Variants in GLE1 observed in about 807,000 individuals in gnomAD.
GLE1 encodes GLE1 RNA export mediator.
In GLE1, 78 loss-of-function variants were observed where a neutral mutation model predicts 97.3. The ratio of observed to expected loss-of-function variants is 0.80; its 90% CI spans 0.67 to 0.97. The LOEUF (loss-of-function observed/expected upper bound fraction) is 0.97. Among genes scored for constraint, GLE1 ranks in the 50% least tolerant of loss-of-function variants. The probability of loss-of-function intolerance (pLI) is 0.00; values close to 1 mark genes in which losing one functional copy is unlikely to be tolerated. For missense variants in GLE1, 753 were observed against 857.5 expected (o/e 0.88, Z 1.52); for synonymous variants, 302 against 313.4 (o/e 0.96, Z 0.39).
At chr9:128,515,058 A>T (rs1432215150) in intron 2 of GLE1, among the ~76,000 whole-genome samples, 1 of 152,078 alleles carries the variant, frequency 6.6e-6, no homozygotes, top group Admixed American at 6.6e-5. Flanking sequence ...TGACTTTGTG[A>T]TCCGCCCACC....
chr9:128,519,956 G>GGGCA (rs1408784958), intron 3 of GLE1, among the ~76,000 whole-genome samples: 1 of 152,010 alleles, frequency 6.6e-6, no homozygotes, highest in Non-Finnish European at 1.5e-5. Flanking sequence ...ATGACTATTG[G>GGGCA]GGCAGGTTCC....
Position 128,511,993 on chromosome 9 carries a change from G to A in GLE1, c.321+2896G>A, listed in dbSNP as rs80341716. On this transcript the variant is annotated intron_variant, in intron 2 of 15. Transcript: ENST00000309971. ...TGCCTGGCTAATTTTTGTACTTTTA[G>A]TAGACGGGGTTTCACCATGTTGGCC... Among the ~76,000 whole-genome samples, 733 of 152,168 alleles carry A rather than the reference G, an allele frequency of 4.8e-3. 5 individuals carry two copies. Among genetic ancestry groups the A allele is most frequent in the African/African-American group, 0.017 (695 of 41,518 alleles).
At position 128,534,386 on chromosome 9, in the gene GLE1, T is replaced by A. The variant is rs117904625; in HGVS notation, c.1646+435T>A. On this transcript the variant is annotated intron_variant, in intron 11 of 15. Transcript: ENST00000309971. ...TGTGTCTCAAAAAAGAAAGAAAAAA[T>A]ATATATACATAGTCTTTTATGTAAA... Among the ~76,000 whole-genome samples, 129 of 141,532 alleles carry A rather than the reference T, an allele frequency of 9.1e-4. 3 individuals carry two copies. The East Asian group carries it at 0.025, about 28-fold the overall frequency. The allele number at this position is 141,532 out of a possible 152,430, so 92.9% of individuals were successfully genotyped here. A position where few individuals can be genotyped will look rare whatever the true frequency, so the allele number is the denominator to read the frequency against.
Position 128,515,582 on chromosome 9 carries a change from G to T in GLE1, c.375G>T (p.Gly125=). ...CTATGGTACTTCAGTCCTCACGGGG[G>T]ATCAAAGTGGAAGGCTGCGTCCGAA... ...TESMVLQSSR[G]IKVEGCVRMY... Residue 125 remains glycine (G), a synonymous_variant, in exon 3 of 16, where the codon GGG becomes GGT. Transcript: ENST00000309971. The T allele has an allele frequency of 6.2e-7, 1 of 1,609,740 alleles. No individual in the cohort carries two copies. The highest frequency in any genetic ancestry group is 8.5e-7 in the Non-Finnish European group (1 of 1,176,034).
intron 11 of GLE1, among the ~76,000 whole-genome samples, chr9:128,535,962 ACT>A (rs1847695593): frequency 2.3e-4 from 1 of 4,426 alleles, no homozygotes; most frequent in African/African-American, 3.0e-4. Context: ...GGTGACAGAG[ACT>A]CTGTTTCCCA....
At chr9:128,521,960 T>C (rs1416127246) in intron 3 of GLE1, among the ~76,000 whole-genome samples, 1 of 152,190 alleles carries the variant, frequency 6.6e-6, no homozygotes, top group Non-Finnish European at 1.5e-5. Flanking sequence ...CTTTCCTTAG[T>C]GGAGGTCCAG....
chr9:128,537,861 G>A, intron 12 of GLE1, 125 bp from the exon 13 acceptor site: 2 of 710,412 alleles, frequency 2.8e-6, no homozygotes, highest in Non-Finnish European at 5.2e-6. Context: ...TTTCTGCCCT[G>A]TGGCAGGTGC....
At chr9:128,507,596 AAAAAAAAAT>A (rs1846677058) in intron 1 of GLE1, among the ~76,000 whole-genome samples, 1 of 150,652 alleles carries the variant, frequency 6.6e-6, no homozygotes, top group Non-Finnish European at 1.5e-5. Flanking sequence ...AAAAAAAAAA[AAAAAAAAAT>A]AGTCGGGCGT....
At position 128,533,585 on chromosome 9, in the gene GLE1, G is replaced by A. The variant is rs200012444; in HGVS notation, c.1385G>A (p.Arg462His). 11 of 1,613,358 alleles carry A rather than the reference G, an allele frequency of 6.8e-6. No individual in the cohort carries two copies. The highest frequency in any genetic ancestry group is 1.1e-5 in the South Asian group (1 of 91,074). The part of the protein sequence containing the change: ...LSGKPVQSGG[R>H]SVSVTLNPQG... The stretch of plus-strand genomic sequence containing the variant: ...GGAAAACCTGTTCAATCTGGTGGGC[G>A]CTCTGTGTCTGTCACACTTAACCCA... The change falls in exon 10 of 16, where the codon CGC becomes CAC. Residue 462 changes from arginine (R) to histidine (H), a missense_variant. Arg to His is a conservative substitution (Grantham distance 29). Coordinates refer to ENST00000309971, the MANE Select transcript of GLE1 (RefSeq NM_001003722.2).
chr9:128,516,397 G>T (rs1019991657), intron 3 of GLE1, among the ~76,000 whole-genome samples: 3 of 152,082 alleles, frequency 2.0e-5, no homozygotes, highest in African/African-American at 4.8e-5. Flanking sequence ...TCGGCTCACC[G>T]CAAGCTCCGC....
At chr9:128,527,741 G>A (rs1425994374) in intron 9 of GLE1, among the ~76,000 whole-genome samples, 2 of 151,984 alleles carry the variant, frequency 1.3e-5, no homozygotes, top group South Asian at 2.1e-4. Context: ...CGAGGTGGGC[G>A]GATCACGAGG....
chr9:128,516,782 G>A (rs544336197), intron 3 of GLE1, among the ~76,000 whole-genome samples: 5 of 151,768 alleles, frequency 3.3e-5, no homozygotes, highest in South Asian at 2.1e-4. Flanking sequence ...CTGCCACCAC[G>A]CCTGGCTAAT....
chr9:128,520,815 G>T (rs1380692520), intron 3 of GLE1, among the ~76,000 whole-genome samples: 1 of 151,736 alleles, frequency 6.6e-6, no homozygotes, highest in Non-Finnish European at 1.5e-5. Context: ...ATACAGTGGT[G>T]CAATCACCGC....
intron 1 of GLE1, among the ~76,000 whole-genome samples, chr9:128,506,208 G>A (rs1053229929): frequency 1.3e-5 from 2 of 152,086 alleles, no homozygotes; most frequent in Non-Finnish European, 1.5e-5. Context: ...AGCCGAGCAT[G>A]GTGGTGCATG....
intron 3 of GLE1, among the ~76,000 whole-genome samples, chr9:128,521,131 T>C (rs979072857): frequency 8.5e-5 from 13 of 152,164 alleles, no homozygotes; most frequent in Non-Finnish European, 1.5e-5. Flanking sequence ...TCTCATGCTC[T>C]ATGTGGTGTT....
At chr9:128,540,418 C>T (rs762297234) in intron 15 of GLE1, 80 bp downstream of exon 15, 24 of 871,174 alleles carry the variant, frequency 2.8e-5, no homozygotes, top group Non-Finnish European at 4.2e-5. Context: ...TTGGACCTTC[C>T]GATGCTCTGA....
At chr9:128,529,786 CTT>C (rs369057972) in intron 9 of GLE1, among the ~76,000 whole-genome samples, 1,674 of 144,816 alleles carry the variant, frequency 0.012, 26 homozygotes, top group African/African-American at 0.04. Context: ...GGGATCTACT[CTT>C]TTTTTTTTTT....
intron 2 of GLE1, among the ~76,000 whole-genome samples, chr9:128,513,185 A>G (rs562984504): frequency 2.6e-5 from 4 of 152,068 alleles, no homozygotes; most frequent in South Asian, 4.1e-4. Context: ...TACATTCTGC[A>G]TCTTTCTGCT....
chr9:128,515,243 G>A (rs1334446707), intron 2 of GLE1, among the ~76,000 whole-genome samples: 1 of 152,014 alleles, frequency 6.6e-6, no homozygotes, highest in Non-Finnish European at 1.5e-5. Flanking sequence ...CTGAAGAAAG[G>A]GGAAACATTT....
Sources: gnomAD v4.1 joint callset for allele counts (sites outside exome capture counted in the v4.1 genomes callset) on GRCh38, gnomAD v4.1.1 for gene constraint, MANE v1.5 for transcripts, NCBI Gene and HGNC (gene_info 2026-07-23, HGNC 2026-07-21) for gene names.